Variants in RNGTT observed in about 807,000 individuals in gnomAD.
RNGTT encodes the protein RNA guanylyltransferase and 5'-phosphatase.
Under a neutral mutation model 79.3 loss-of-function variants are expected in RNGTT, and 33 were observed. The observed-to-expected ratio is 0.42, with a 90% confidence interval of 0.32 to 0.56. RNGTT has a LOEUF of 0.56. Among genes scored for constraint, RNGTT ranks in the 20% least tolerant of loss-of-function variants. The pLI, the probability that RNGTT is intolerant of heterozygous loss-of-function variation, is 0.17. For missense variants in RNGTT, 497 were observed against 739.1 expected (o/e 0.67, Z 3.80); for synonymous variants, 222 against 235.9 (o/e 0.94, Z 0.54).
At chr6:88,834,845 C>T (rs1781010073) in intron 11 of RNGTT, among the ~76,000 whole-genome samples, 1 of 83,396 alleles carries the variant, frequency 1.2e-5, no homozygotes, top group Non-Finnish European at 2.4e-5. Context: ...ATCTGAATGC[C>T]AAATGAAATA....
chr6:88,676,700 A>G (rs1774888633), intron 14 of RNGTT, among the ~76,000 whole-genome samples: 1 of 152,238 alleles, frequency 6.6e-6, no homozygotes, highest in Non-Finnish European at 1.5e-5. Flanking sequence ...TATCCAGAAG[A>G]TATAAAAAAT....
intron 12 of RNGTT, among the ~76,000 whole-genome samples, chr6:88,770,718 A>T (rs1778626735): frequency 6.6e-6 from 1 of 152,178 alleles, no homozygotes; most frequent in Non-Finnish European, 1.5e-5. Flanking sequence ...AAACTGTAAC[A>T]TTTTCTATTC....
intron 14 of RNGTT, among the ~76,000 whole-genome samples, chr6:88,664,138 C>T (rs73752990): frequency 3.7e-4 from 57 of 152,128 alleles, no homozygotes; most frequent in African/African-American, 1.2e-3. Flanking sequence ...AGGATCCAAA[C>T]GAGACAGAGG....
intron 13 of RNGTT, among the ~76,000 whole-genome samples, chr6:88,740,938 G>A (rs1245052811): frequency 1.3e-5 from 2 of 152,224 alleles, no homozygotes; most frequent in East Asian, 3.9e-4. Flanking sequence ...TAGCCATTCT[G>A]ACTGGTATGA....
chr6:88,829,611 G>A (rs1223460547), intron 11 of RNGTT, among the ~76,000 whole-genome samples: 2 of 150,168 alleles, frequency 1.3e-5, no homozygotes, highest in African/African-American at 4.9e-5. Context: ...ACCCATCAGT[G>A]TGCTGTATTC....
chr6:88,662,765 C>T (rs1219366866), intron 14 of RNGTT, among the ~76,000 whole-genome samples: 2 of 152,130 alleles, frequency 1.3e-5, no homozygotes, highest in Non-Finnish European at 2.9e-5. Flanking sequence ...AATGCCTTGC[C>T]ACAGCAGTGT....
intron 13 of RNGTT, among the ~76,000 whole-genome samples, chr6:88,743,107 G>T (rs1777548755): frequency 6.6e-6 from 1 of 152,092 alleles, no homozygotes; most frequent in South Asian, 2.1e-4. Context: ...GCACAAAAGG[G>T]CAGTGAAGAC....
At chr6:88,675,695 T>A (rs1774845537) in intron 14 of RNGTT, among the ~76,000 whole-genome samples, 2 of 122,408 alleles carry the variant, frequency 1.6e-5, no homozygotes, top group African/African-American at 3.4e-5. Context: ...TTAAAGCCAA[T>A]ACATGAAAAG....
At chr6:88,698,049 C>CATATATATGAT (rs1775760630) in intron 13 of RNGTT, among the ~76,000 whole-genome samples, 1 of 74,662 alleles carries the variant, frequency 1.3e-5, no homozygotes, top group Admixed American at 1.2e-4. Flanking sequence ...ATATGAAATA[C>CATATATATGAT]ATATATATGA....
intron 8 of RNGTT, among the ~76,000 whole-genome samples, chr6:88,862,769 A>G (rs1458054320): frequency 6.6e-6 from 1 of 152,222 alleles, no homozygotes; most frequent in Non-Finnish European, 1.5e-5. Flanking sequence ...AAGAACACAC[A>G]CACACAGTAA....
intron 14 of RNGTT, among the ~76,000 whole-genome samples, chr6:88,640,546 CAA>C (rs71541174): frequency 4.0e-4 from 27 of 67,890 alleles, no homozygotes; most frequent in Admixed American, 6.8e-4. Flanking sequence ...GACCTTGTCT[CAA>C]AAAAAAAAAA....
At chr6:88,805,213 C>T (rs893746114) in intron 11 of RNGTT, among the ~76,000 whole-genome samples, 4 of 152,146 alleles carry the variant, frequency 2.6e-5, no homozygotes, top group African/African-American at 9.7e-5. Flanking sequence ...CTCATGTCTT[C>T]TTTGGTAGAG....
chr6:88,767,545 C>T (rs892245504), intron 13 of RNGTT, among the ~76,000 whole-genome samples: 5 of 151,588 alleles, frequency 3.3e-5, no homozygotes, highest in African/African-American at 1.2e-4. Flanking sequence ...TGAAACAATC[C>T]GAGAGTCTAT....
intron 14 of RNGTT, among the ~76,000 whole-genome samples, chr6:88,642,436 A>C (rs1019483693): frequency 1.3e-5 from 2 of 152,228 alleles, no homozygotes; most frequent in African/African-American, 4.8e-5. Context: ...AAAAAGCTAC[A>C]GGGAAAATAC....
chr6:88,676,868 C>T (rs905919435), intron 14 of RNGTT, among the ~76,000 whole-genome samples: 2 of 152,158 alleles, frequency 1.3e-5, no homozygotes, highest in Non-Finnish European at 2.9e-5. Context: ...AATACAACTA[C>T]CACATGACCC....
intron 11 of RNGTT, among the ~76,000 whole-genome samples, chr6:88,802,771 A>T (rs1279526783): frequency 6.6e-6 from 1 of 152,166 alleles, no homozygotes; most frequent in Non-Finnish European, 1.5e-5. Context: ...ATCAGATCAC[A>T]TAAGAACTCA....
chr6:88,789,548 A>T (rs369039160), intron 12 of RNGTT, among the ~76,000 whole-genome samples: 12 of 152,342 alleles, frequency 7.9e-5, no homozygotes, highest in African/African-American at 2.9e-4. Flanking sequence ...CGACAAAGCA[A>T]GACTCTGTCT....
chr6:88,776,414 G>A (rs923205525), intron 12 of RNGTT, among the ~76,000 whole-genome samples: 2 of 151,424 alleles, frequency 1.3e-5, no homozygotes, highest in Non-Finnish European at 2.9e-5. Flanking sequence ...CCGCCTCCCA[G>A]GTTCAAGTGA....
At chr6:88,851,650 GCAAAA>G in intron 9 of RNGTT, among the ~76,000 whole-genome samples, 1 of 152,062 alleles carries the variant, frequency 6.6e-6, no homozygotes, top group African/African-American at 2.4e-5. Context: ...GTTAAGCAAA[GCAAAA>G]CAAAAGCTTC....
Sources: gnomAD v4.1 joint callset for allele counts (sites outside exome capture counted in the v4.1 genomes callset) on GRCh38, gnomAD v4.1.1 for gene constraint, MANE v1.5 for transcripts, NCBI Gene and HGNC (gene_info 2026-07-23, HGNC 2026-07-21) for gene names.